The following LIMD1 variants were observed in gnomAD, a reference collection of about 807,000 sequenced individuals.
LIMD1 encodes the protein LIM domain containing 1, also known as LIM domain-containing protein 1.
LIMD1 carries 23 observed loss-of-function variants against 58.4 expected under a neutral mutation model. The observed-to-expected ratio is 0.39, with a 90% CI of 0.28 to 0.56. The LOEUF (loss-of-function observed/expected upper bound fraction) is 0.56, where lower values mean the gene tolerates loss of function less well. Among genes scored for constraint, LIMD1 ranks in the 20% least tolerant of loss-of-function variants. The probability of loss-of-function intolerance (pLI) is 0.57; values close to 1 mark genes in which losing one functional copy is unlikely to be tolerated. For synonymous variants in LIMD1, 334 were observed against 345.5 expected (o/e 0.97, Z 0.37); for missense variants, 838 against 855.5 (o/e 0.98, Z 0.25).
chr3:45,622,934 C>T (rs1701640316), intron 1 of LIMD1, among the ~76,000 whole-genome samples: 1 of 152,144 alleles, frequency 6.6e-6, no homozygotes, highest in Non-Finnish European at 1.5e-5. Flanking sequence ...TCCCAAAGTG[C>T]TGTGATTACA....
At chr3:45,671,183 G>A (rs187510180) in intron 4 of LIMD1, among the ~76,000 whole-genome samples, 11 of 152,310 alleles carry the variant, frequency 7.2e-5, no homozygotes, top group African/African-American at 2.6e-4. Context: ...AAAGGTTAGG[G>A]AAACCCAAGA....
chr3:45,681,414 A>T lies in LIMD1; in HGVS notation c.*4355A>T, dbSNP rs2125673025. On this transcript the variant is annotated 3_prime_UTR_variant, in exon 8 of 8. Transcript: ENST00000273317. ...GATTTTACCCTACTTGCAGGCTAAT[A>T]AAGTGAGCACACCACATGGGTTCAT... is the stretch of plus-strand genomic sequence containing the variant. 6.6e-6 allele frequency: 1 copy of T among 152,366 alleles called. No individual in the cohort carries two copies. The highest frequency in any genetic ancestry group is 1.9e-4 in the East Asian group (1 of 5,196). 9.4% of individuals were successfully genotyped at this position (152,366 alleles called of 1,614,324 possible).
rs1294852967 is a variant in LIMD1, at chr3:45,680,920, G to GA, written c.*3863dup. The GA allele has an allele frequency of 7.1e-6, 1 of 140,412 alleles. No individual in the cohort carries two copies. The highest frequency in any genetic ancestry group is 2.6e-5 in the African/African-American group (1 of 38,792). 8.7% of individuals were successfully genotyped at this position (140,412 alleles called of 1,614,324 possible). A position where few individuals can be genotyped will look rare whatever the true frequency, so the allele number is the denominator to read the frequency against. Reference sequence around the variant, plus strand: ...AGCTACCTGAGAGGTTGAGGCAGGAGAATCGCTTGAACCTGGGAGGCAGAG... The same window carrying GA: ...AGCTACCTGAGAGGTTGAGGCAGGAGAAATCGCTTGAACCTGGGAGGCAGAG... On this transcript the variant is annotated 3_prime_UTR_variant, in exon 8 of 8. Transcript: ENST00000273317.
At chr3:45,598,141 G>A (rs1006847659) in intron 1 of LIMD1, among the ~76,000 whole-genome samples, 1 of 151,928 alleles carries the variant, frequency 6.6e-6, no homozygotes. Context: ...AGGGGACGTG[G>A]AGGTGGGGGG....
Position 45,683,919 on chromosome 3 carries a change from C to G in LIMD1, c.*6860C>G, listed in dbSNP as rs771098328. 1 of 152,186 alleles carries G rather than the reference C, an allele frequency of 6.6e-6. No individual in the cohort carries two copies. Among genetic ancestry groups the G allele is most frequent in the Non-Finnish European group, 1.5e-5 (1 of 68,038 alleles). The allele number at this position is 152,186 out of a possible 1,614,324, so 9.4% of individuals were successfully genotyped here. ...TTAGTCAGCCTACCACAGACTCCAA[C>G]GAACGTTTTTTGAGAGGAAATGAAA... On this transcript the variant is annotated 3_prime_UTR_variant, in exon 8 of 8. Coordinates refer to ENST00000273317, the MANE Select transcript of LIMD1 (RefSeq NM_014240.3).
intron 1 of LIMD1, among the ~76,000 whole-genome samples, chr3:45,614,233 A>G (rs1257011108): frequency 4.6e-5 from 7 of 152,114 alleles, no homozygotes; most frequent in Admixed American, 3.9e-4. Flanking sequence ...TCTCTAGTAC[A>G]GAAATCCTCT....
intron 2 of LIMD1, among the ~76,000 whole-genome samples, chr3:45,661,645 G>A (rs1342486692): frequency 1.3e-5 from 2 of 152,196 alleles, no homozygotes; most frequent in Non-Finnish European, 2.9e-5. Flanking sequence ...TTTAGCTTCT[G>A]CTATCCCTTG....
At chr3:45,653,124 G>T (rs533017321) in intron 2 of LIMD1, among the ~76,000 whole-genome samples, 1 of 152,208 alleles carries the variant, frequency 6.6e-6, no homozygotes, top group Non-Finnish European at 1.5e-5. Flanking sequence ...CTATATTATT[G>T]TATTTTACAA....
At chr3:45,642,457 A>G (rs1265305911) in intron 2 of LIMD1, among the ~76,000 whole-genome samples, 2 of 152,222 alleles carry the variant, frequency 1.3e-5, no homozygotes, top group Non-Finnish European at 2.9e-5. Flanking sequence ...GATTATAGGC[A>G]TGAGCCACCA....
intron 1 of LIMD1, among the ~76,000 whole-genome samples, chr3:45,617,141 C>T (rs1701583901): frequency 6.6e-6 from 1 of 150,952 alleles, no homozygotes; most frequent in African/African-American, 2.4e-5. Flanking sequence ...TCAAGCAGTT[C>T]TCCTGCCTCG....
At position 45,596,098 on chromosome 3, in the gene LIMD1, G is replaced by A; in HGVS notation, c.1219G>A (p.Gly407Ser). ...PELSCKEGPL[G>S]WSSDGSLGSV... Reference sequence around the variant, plus strand: ...GTTATCTTGTAAAGAGGGTCCCCTGGGCTGGTCTTCTGATGGTAGCCTGGG... The same window carrying A: ...GTTATCTTGTAAAGAGGGTCCCCTGAGCTGGTCTTCTGATGGTAGCCTGGG... The change falls in exon 1 of 8, where the codon GGC (glycine) becomes AGC (serine). Residue 407 changes from glycine (G) to serine (S), a missense_variant. Physicochemically the swap from Gly to Ser is moderately conservative, Grantham distance 56 (BLOSUM62 0). Transcript: ENST00000273317. 6.2e-7 allele frequency: 1 copy of A among 1,614,164 alleles called. No individual in the cohort carries two copies. The highest frequency in any genetic ancestry group is 8.5e-7 in the Non-Finnish European group (1 of 1,180,042).
intron 2 of LIMD1, among the ~76,000 whole-genome samples, chr3:45,657,015 T>C (rs1261916715): frequency 6.6e-6 from 1 of 152,212 alleles, no homozygotes; most frequent in Non-Finnish European, 1.5e-5. Context: ...TTCTGGATCC[T>C]GCTCTTGATT....
At chr3:45,601,995 T>C (rs1407507034) in intron 1 of LIMD1, among the ~76,000 whole-genome samples, 2 of 150,092 alleles carry the variant, frequency 1.3e-5, no homozygotes, top group Non-Finnish European at 2.9e-5. Flanking sequence ...CAGGATGGAG[T>C]GCAGTGGCGC....
intron 1 of LIMD1, among the ~76,000 whole-genome samples, chr3:45,621,888 C>T (rs1472749381): frequency 6.6e-6 from 1 of 151,914 alleles, no homozygotes; most frequent in Non-Finnish European, 1.5e-5. Flanking sequence ...AATGCTGAAA[C>T]CCCGTGTGTA....
Position 45,672,784 on chromosome 3 carries a change from C to CA in LIMD1, c.1737dup (p.Glu580ArgfsTer29). On this transcript the variant is annotated frameshift_variant, in exon 5 of 8. Transcript: ENST00000273317. LOFTEE classifies it high-confidence loss of function. ...GATGGGGTGCCCTTCACCGTGGACT[C>CA]AGAGAACAAGATCTACTGTGTCCGA... 1 of 1,614,024 alleles carries CA rather than the reference C, an allele frequency of 6.2e-7. No homozygotes were observed. The highest frequency in any genetic ancestry group is 8.5e-7 in the Non-Finnish European group (1 of 1,179,984).
chr3:45,659,850 C>G (rs1170830142), intron 2 of LIMD1, among the ~76,000 whole-genome samples: 1 of 152,140 alleles, frequency 6.6e-6, no homozygotes, highest in Non-Finnish European at 1.5e-5. Context: ...TAAAGTTTCC[C>G]TTCCAGGGAG....
At chr3:45,645,549 T>C (rs1253424646) in intron 2 of LIMD1, among the ~76,000 whole-genome samples, 1 of 152,152 alleles carries the variant, frequency 6.6e-6, no homozygotes, top group Non-Finnish European at 1.5e-5. Flanking sequence ...GGGTGTCACC[T>C]GTCTTCTCAA....
At chr3:45,613,799 G>A (rs1041351536) in intron 1 of LIMD1, among the ~76,000 whole-genome samples, 1 of 152,134 alleles carries the variant, frequency 6.6e-6, no homozygotes, top group East Asian at 1.9e-4. Context: ...CACCTTATAT[G>A]TACAAGTCTT....
At chr3:45,655,015 G>A (rs559458116) in intron 2 of LIMD1, among the ~76,000 whole-genome samples, 21 of 151,128 alleles carry the variant, frequency 1.4e-4, no homozygotes, top group Non-Finnish European at 2.2e-4. Context: ...TGCCACCCGG[G>A]TTCAAGTGAT....
Sources: gnomAD v4.1 joint callset for allele counts (sites outside exome capture counted in the v4.1 genomes callset) on GRCh38, gnomAD v4.1.1 for gene constraint, MANE v1.5 for transcripts, NCBI Gene and HGNC (gene_info 2026-07-23, HGNC 2026-07-21) for gene names.